Variants in IL1RAPL2 observed in about 807,000 individuals in gnomAD.
IL1RAPL2 encodes X-linked interleukin-1 receptor accessory protein-like 2.
In IL1RAPL2, 3 loss-of-function variants were observed where a neutral mutation model predicts 44.1. The ratio of observed to expected loss-of-function variants is 0.07; its 90% confidence interval spans 0.03 to 0.18. IL1RAPL2 has a LOEUF of 0.18. Ranked by LOEUF, IL1RAPL2 falls within the 10% of genes least tolerant of loss-of-function variation. IL1RAPL2 has a pLI of 1.00. For synonymous variants in IL1RAPL2, 181 were observed against 178.8 expected (o/e 1.01, Z -0.10); for missense variants, 391 against 496.4 (o/e 0.79, Z 2.02).
In IL1RAPL2 at chrX:104,951,626, A is replaced by G. The variant is rs887795583; in HGVS notation, c.83-243849A>G. 4.4e-5 allele frequency among the ~76,000 whole-genome samples: 5 copies of G among 112,693 alleles called. No individual in the cohort carries two copies. In the Admixed American group the frequency reaches 4.7e-4, roughly 11 times the overall value. On this transcript the variant is annotated intron_variant, in intron 2 of 10. Coordinates refer to ENST00000372582, the MANE Select transcript of IL1RAPL2 (RefSeq NM_017416.2). Reference sequence around the variant, plus strand: ...ATTCAACAAACATTTACTCTGGGCAATCTACCATGGTGTTTAAGAGCATTG... The same window carrying G: ...ATTCAACAAACATTTACTCTGGGCAGTCTACCATGGTGTTTAAGAGCATTG...
chrX:104,857,121 A>G (rs1440501692), intron 2 of IL1RAPL2, among the ~76,000 whole-genome samples: 1 of 112,000 alleles, frequency 8.9e-6, no homozygotes, highest in African/African-American at 3.2e-5. Context: ...AGCACTTCTC[A>G]AAACTTACAG....
At chrX:104,917,862 G>A (rs1437114335) in intron 2 of IL1RAPL2, among the ~76,000 whole-genome samples, 1 of 111,745 alleles carries the variant, frequency 8.9e-6, no homozygotes, top group Non-Finnish European at 1.9e-5. Context: ...ACAAGATGAA[G>A]CTGCTTCTCA....
intron 6 of IL1RAPL2, among the ~76,000 whole-genome samples, chrX:105,564,285 C>T (rs2036959543): frequency 9.0e-6 from 1 of 111,536 alleles, no homozygotes; most frequent in African/African-American, 3.3e-5. Flanking sequence ...TAGGTGGATT[C>T]TTGAGAATTT....
At chrX:104,831,905 C>G (rs1427188740) in intron 2 of IL1RAPL2, among the ~76,000 whole-genome samples, 1 of 112,043 alleles carries the variant, frequency 8.9e-6, no homozygotes, top group African/African-American at 3.2e-5. Context: ...TACTATTCTG[C>G]TTACATGTAA....
chrX:104,719,620 A>G (rs1315583406), intron 2 of IL1RAPL2, among the ~76,000 whole-genome samples: 1 of 111,620 alleles, frequency 9.0e-6, no homozygotes, highest in Non-Finnish European at 1.9e-5. Flanking sequence ...GGTCAAACCT[A>G]TCCAGCTGAA....
At chrX:105,696,422 G>A (rs1032952739) in intron 6 of IL1RAPL2, among the ~76,000 whole-genome samples, 1 of 111,292 alleles carries the variant, frequency 9.0e-6, no homozygotes, top group Non-Finnish European at 1.9e-5. Context: ...GGTTGATCTG[G>A]ACTATGGTAA....
At chrX:105,754,995 A>C (rs1371672901) in intron 9 of IL1RAPL2, among the ~76,000 whole-genome samples, 182 bp from the exon 10 acceptor site, 1 of 112,311 alleles carries the variant, frequency 8.9e-6, no homozygotes, top group South Asian at 3.7e-4. Flanking sequence ...CCATTGCATA[A>C]GTTTCAATTC....
intron 6 of IL1RAPL2, among the ~76,000 whole-genome samples, chrX:105,508,973 A>C (rs1442048124): frequency 8.9e-6 from 1 of 111,787 alleles, no homozygotes; most frequent in Non-Finnish European, 1.9e-5. Context: ...TACCTCTGTA[A>C]CTCAGCTTTT....
rs376259329 is a variant in IL1RAPL2, at chrX:104,972,221, C to T, written c.83-223254C>T. Among the ~76,000 whole-genome samples, 7 of 112,072 alleles carry T rather than the reference C, an allele frequency of 6.2e-5. No homozygotes were observed. The East Asian group carries it at 1.1e-3, about 18-fold the overall frequency. The stretch of plus-strand genomic sequence containing the variant: ...GAAGCCACCATATATGGGTTCCTCA[C>T]TCTCAAGTGGAATCCCATTTACCTT... On this transcript the variant is annotated intron_variant, in intron 2 of 10. Coordinates refer to ENST00000372582, the MANE Select transcript of IL1RAPL2 (RefSeq NM_017416.2).
chrX:105,437,454 A>G (rs1220437152), intron 5 of IL1RAPL2, among the ~76,000 whole-genome samples: 2 of 111,324 alleles, frequency 1.8e-5, no homozygotes, highest in Non-Finnish European at 3.8e-5. Context: ...GACCCCGGTA[A>G]CAATGTGTCT....
chrX:105,621,979 A>G (rs1303498895), intron 6 of IL1RAPL2, among the ~76,000 whole-genome samples: 2 of 109,271 alleles, frequency 1.8e-5, no homozygotes, highest in African/African-American at 3.3e-5. Context: ...ATATGGGGGG[A>G]TGGGGAAGTA....
chrX:104,753,029 CTA>C lies in IL1RAPL2; in HGVS notation c.82+94036_82+94037del, dbSNP rs1051028005. 5.4e-5 allele frequency among the ~76,000 whole-genome samples: 6 copies of C among 110,196 alleles called. No individual in the cohort carries two copies. In the Admixed American group the frequency reaches 5.9e-4, roughly 11 times the overall value. ...TACATTCATCCTAGATGCTTTTACTCTATCATTCAAGTTCCCTTCCTGGCCAG... is the reference window on the plus strand; with the variant it reads ...TACATTCATCCTAGATGCTTTTACTCTCATTCAAGTTCCCTTCCTGGCCAG... On this transcript the variant is annotated intron_variant, in intron 2 of 10. Coordinates refer to ENST00000372582, the MANE Select transcript of IL1RAPL2 (RefSeq NM_017416.2).
intron 5 of IL1RAPL2, among the ~76,000 whole-genome samples, chrX:105,373,771 T>C (rs1481657958): frequency 1.8e-5 from 2 of 110,818 alleles, no homozygotes; most frequent in African/African-American, 3.3e-5. Flanking sequence ...TTGTCAACAA[T>C]AAATGAGTAG....
intron 5 of IL1RAPL2, among the ~76,000 whole-genome samples, chrX:105,283,119 C>T (rs1469208178): frequency 9.0e-6 from 1 of 111,318 alleles, no homozygotes; most frequent in African/African-American, 3.3e-5. Context: ...ACATGTAATA[C>T]ATTTGATATT....
intron 6 of IL1RAPL2, among the ~76,000 whole-genome samples, chrX:105,683,759 T>C (rs1360123963): frequency 8.9e-6 from 1 of 112,443 alleles, no homozygotes; most frequent in Non-Finnish European, 1.9e-5. Flanking sequence ...AAGCAATTTC[T>C]ACTTCACAGA....
In IL1RAPL2 at chrX:105,058,178, C is replaced by T. The variant is rs2032023211; in HGVS notation, c.83-137297C>T. On this transcript the variant is annotated intron_variant, in intron 2 of 10. Coordinates refer to ENST00000372582, the MANE Select transcript of IL1RAPL2 (RefSeq NM_017416.2). ...ATGTTACCCAGGATGGTCTCGATCT[C>T]CTGACCTCGTGATCTGCCTGCCTCA... 3.6e-5 allele frequency among the ~76,000 whole-genome samples: 4 copies of T among 110,259 alleles called. No homozygotes were observed. The Admixed American group carries it at 3.9e-4, about 11-fold the overall frequency.
At chrX:105,135,996 A>C (rs1288671943) in intron 2 of IL1RAPL2, among the ~76,000 whole-genome samples, 3 of 112,031 alleles carry the variant, frequency 2.7e-5, no homozygotes, top group Non-Finnish European at 5.6e-5. Flanking sequence ...GAAGAGTTCC[A>C]CAGATGGCCA....
At chrX:104,778,555 G>A (rs1028977487) in intron 2 of IL1RAPL2, among the ~76,000 whole-genome samples, 6 of 83,228 alleles carry the variant, frequency 7.2e-5, no homozygotes, top group East Asian at 7.0e-4. Flanking sequence ...GTGAGACTCC[G>A]TCTCAAATAA....
chrX:104,584,733 A>G (rs1287352826), intron 1 of IL1RAPL2, among the ~76,000 whole-genome samples: 1 of 110,964 alleles, frequency 9.0e-6, no homozygotes, highest in East Asian at 2.8e-4. Context: ...ATCTATTTAA[A>G]GGAGCCAGGT....
Sources: gnomAD v4.1 joint callset for allele counts (sites outside exome capture counted in the v4.1 genomes callset) on GRCh38, gnomAD v4.1.1 for gene constraint, MANE v1.5 for transcripts, NCBI Gene and HGNC (gene_info 2026-07-23, HGNC 2026-07-21) for gene names.